PAX3: variants seen among roughly 807,000 people sequenced by gnomAD.
PAX3 encodes paired box protein Pax-3.
In PAX3, 14 loss-of-function variants were observed where a neutral mutation model predicts 51.6. The observed-to-expected ratio is 0.27, with a 90% CI of 0.18 to 0.42. PAX3 has a LOEUF of 0.42. Among genes scored for constraint, PAX3 ranks in the 10% least tolerant of loss-of-function variants. The probability of loss-of-function intolerance (pLI) is 1.00; values close to 1 mark genes in which losing one functional copy is unlikely to be tolerated. For missense variants in PAX3, 540 were observed against 642.8 expected, an observed-to-expected ratio of 0.84 and a Z score of 1.73; for synonymous variants, 280 against 253.4, an observed-to-expected ratio of 1.11 and a Z score of -1.00.
At chr2:222,241,596 G>A (rs540523285) in intron 4 of PAX3, among the ~76,000 whole-genome samples, 1 of 152,302 alleles carries the variant, frequency 6.6e-6, no homozygotes, top group South Asian at 2.1e-4. Flanking sequence ...AAATCATACA[G>A]CTGCCCCGAG....
chr2:222,288,822 C>T (rs956076560), intron 4 of PAX3, among the ~76,000 whole-genome samples: 2 of 152,200 alleles, frequency 1.3e-5, no homozygotes, highest in Non-Finnish European at 2.9e-5. Flanking sequence ...TGGTCAATTC[C>T]TCCTTAGAGA....
At chr2:222,219,725 T>C (rs1692109263) in intron 7 of PAX3, among the ~76,000 whole-genome samples, 2 of 152,166 alleles carry the variant, frequency 1.3e-5, no homozygotes. Context: ...GTGCTTTTGA[T>C]TGAAACCTCA....
intron 3 of PAX3, among the ~76,000 whole-genome samples, chr2:222,294,758 G>GCCCCCCCCCCC (rs368069047): frequency 8.8e-4 from 77 of 87,094 alleles, no homozygotes; most frequent in African/African-American, 1.2e-3. Context: ...ACTTGTCCGC[G>GCCCCCCCCCCC]CCCCCCCCCA....
chr2:222,218,991 C>T (rs1263680154), intron 7 of PAX3, among the ~76,000 whole-genome samples: 1 of 152,148 alleles, frequency 6.6e-6, no homozygotes, highest in Non-Finnish European at 1.5e-5. Flanking sequence ...CACTGTCTTG[C>T]AGAGCCCAGG....
At chr2:222,258,099 C>A (rs1462396287) in intron 4 of PAX3, among the ~76,000 whole-genome samples, 1 of 152,198 alleles carries the variant, frequency 6.6e-6, no homozygotes, top group Non-Finnish European at 1.5e-5. Flanking sequence ...TAAGATGAAT[C>A]CTCCAACCCT....
At chr2:222,294,756 G>GC (rs1262598726) in intron 3 of PAX3, among the ~76,000 whole-genome samples, 13 of 84,978 alleles carry the variant, frequency 1.5e-4, no homozygotes, top group Admixed American at 4.3e-4. Context: ...CGACTTGTCC[G>GC]CGCCCCCCCC....
At position 222,269,083 on chromosome 2, in the gene PAX3, CT is replaced by C. The variant is rs1166996316; in HGVS notation, c.586+25083del. Among the ~76,000 whole-genome samples the C allele has an allele frequency of 3.8e-4, 58 of 152,304 alleles. 1 individual carries two copies. The highest frequency in any genetic ancestry group is 5.0e-4 in the Non-Finnish European group (34 of 68,028). On this transcript the variant is annotated intron_variant, in intron 4 of 8. Transcript: ENST00000392070. ...TGGAGGAGCCTTGGTAAGCCTAACG[CT>C]GTTCAAGTTAAGTGATTGACATGGC...
At chr2:222,251,150 A>T (rs1264830592) in intron 4 of PAX3, among the ~76,000 whole-genome samples, 1 of 152,076 alleles carries the variant, frequency 6.6e-6, no homozygotes, top group Non-Finnish European at 1.5e-5. Flanking sequence ...CATGTGCACA[A>T]CGTGCAGGTT....
rs547277145 is a variant in PAX3, at chr2:222,217,764, G to A, written c.1173+2376C>T. ...AAACCAGGGTGTTAGACATGAACTC[G>A]TTGCTTCACATTTTTCTTTAAAATA... On this transcript the variant is annotated intron_variant, in intron 7 of 8. Transcript: ENST00000392070. Among the ~76,000 whole-genome samples, 236 of 152,154 alleles carry A rather than the reference G, an allele frequency of 1.6e-3. 2 individuals carry two copies. The highest frequency in any genetic ancestry group is 5.3e-3 in the African/African-American group (220 of 41,532).
intron 4 of PAX3, chr2:222,293,756 T>C: frequency 6.2e-7 from 1 of 1,614,128 alleles, no homozygotes; most frequent in Non-Finnish European, 8.5e-7. Context: ...CCAGGGCCTT[T>C]CCTGAGGGCA....
At chr2:222,291,839 C>T (rs974242079) in intron 4 of PAX3, among the ~76,000 whole-genome samples, 10 of 152,166 alleles carry the variant, frequency 6.6e-5, no homozygotes, top group Non-Finnish European at 1.3e-4. Context: ...TCAAACTGCA[C>T]CTCACTCTGT....
rs575793221 is a variant in PAX3 at position 222,201,362 on chromosome 2, G to A, written c.*46C>T. 157 of 1,612,814 alleles carry A rather than the reference G, an allele frequency of 9.7e-5. No individual in the cohort carries two copies. The highest frequency in any genetic ancestry group is 2.2e-4 in the East Asian group (10 of 44,720). On this transcript the variant is annotated 3_prime_UTR_variant, in exon 9 of 9. Transcript: ENST00000392070. Reference sequence around the variant, plus strand: ...AGCAGATTCTTCATATCTAGGCTGCGAAGACCAGAAACAGGGCCAGTTTTA... The same window carrying A: ...AGCAGATTCTTCATATCTAGGCTGCAAAGACCAGAAACAGGGCCAGTTTTA...
rs752483694 is a variant in PAX3 at position 222,220,131 on chromosome 2, G to C, written c.1173+9C>G. The C allele has an allele frequency of 1.9e-6, 3 of 1,611,314 alleles. No homozygotes were observed. The highest frequency in any genetic ancestry group is 2.5e-6 in the Non-Finnish European group (3 of 1,177,962). On this transcript the variant is annotated intron_variant, in intron 7 of 8. Transcript: ENST00000392070. ...CAGCAAATCGTCTGTCTAGAAACAC[G>C]GGACTGACCTGAGGTGAGAGGCCAT...
intron 4 of PAX3, among the ~76,000 whole-genome samples, chr2:222,238,512 T>C (rs2106106286): frequency 6.6e-6 from 1 of 152,178 alleles, no homozygotes; most frequent in East Asian, 1.9e-4. Context: ...AGACGTTTCA[T>C]TTGAATAATT....
At chr2:222,283,907 T>C (rs780624993) in intron 4 of PAX3, among the ~76,000 whole-genome samples, 1 of 152,162 alleles carries the variant, frequency 6.6e-6, no homozygotes, top group Non-Finnish European at 1.5e-5. Context: ...GGGAGAAACA[T>C]GGGGGCAGGA....
In PAX3 at chr2:222,277,147, T is replaced by C. The variant is rs185738896; in HGVS notation, c.586+17020A>G. On this transcript the variant is annotated intron_variant, in intron 4 of 8. Coordinates refer to ENST00000392070, the MANE Select transcript of PAX3 (RefSeq NM_181458.4). ...CTTTTACAATTTAGGGGGCTCCTCT[T>C]GAAAAAAAAATACAATAGATCTTAA... is the stretch of plus-strand genomic sequence containing the variant. 6.3e-4 allele frequency among the ~76,000 whole-genome samples: 96 copies of C among 151,752 alleles called. 1 individual carries two copies. In the East Asian group the frequency reaches 0.017, roughly 27 times the overall value.
Position 222,218,799 on chromosome 2 carries a change from C to A in PAX3, c.1173+1341G>T, listed in dbSNP as rs114282593. On this transcript the variant is annotated intron_variant, in intron 7 of 8. Transcript: ENST00000392070. ...ATTTTTCAGCTGAGGTTTAAAGCCA[C>A]CTCATAATTTTTTTTTTATCCCAGG... 2.2e-3 allele frequency among the ~76,000 whole-genome samples: 333 copies of A among 152,256 alleles called. 1 individual carries two copies. Among genetic ancestry groups the A allele is most frequent in the Non-Finnish European group, 3.5e-3 (236 of 68,004 alleles).
rs745337346 is a variant in PAX3 at position 222,292,679 on chromosome 2, C to T, written c.586+1488G>A. The stretch of plus-strand genomic sequence containing the variant: ...CTGACTCCCTGCCTTCCTCCCTTCT[C>T]AGCACCTCTATTCTGCAGCTAGGCC... On this transcript the variant is annotated intron_variant, in intron 4 of 8. Transcript: ENST00000392070. 2.0e-5 allele frequency among the ~76,000 whole-genome samples: 3 copies of T among 152,214 alleles called. No individual in the cohort carries two copies. The East Asian group carries it at 5.8e-4, about 29-fold the overall frequency.
Position 222,201,980 on chromosome 2 carries a change from G to C in PAX3, c.1384C>G (p.Pro462Ala), listed in dbSNP as rs1443972658. Reference protein sequence around the residue: ...TYSTTGYSMDPVTGYQYGQYG... With the variant: ...TYSTTGYSMDAVTGYQYGQYG... ...TGCCCATATTGGTAGCCTGTGACAG[G>C]GTCCATACTGTAGCCTGTGGTGCTA... The change falls in exon 8 of 9, where the codon CCT becomes GCT. Residue 462 changes from proline (P) to alanine (A), a missense_variant. This residue lies in a region of PAX3 where 427 missense variants were observed against 483.6 expected (regional missense o/e 0.88). Transcript: ENST00000392070. 6.2e-7 allele frequency: 1 copy of C among 1,614,028 alleles called. No individual in the cohort carries two copies. The highest frequency in any genetic ancestry group is 8.5e-7 in the Non-Finnish European group (1 of 1,179,978).
Sources: allele counts gnomAD v4.1 joint callset (sites outside exome capture counted in the v4.1 genomes callset), GRCh38; gene constraint gnomAD v4.1.1; regional missense constraint gnomAD v4.1.1; transcripts MANE v1.5; gene names NCBI Gene and HGNC (gene_info 2026-07-23, HGNC 2026-07-21).